The following NCKAP5 variants were observed in gnomAD, a reference collection of about 807,000 sequenced individuals.
The protein encoded by NCKAP5 is nck-associated protein 5.
In NCKAP5, 92 loss-of-function variants were observed where a neutral mutation model predicts 167.0. That is an observed-to-expected ratio of 0.55 (90% CI 0.47 to 0.66). The LOEUF is 0.66. Among genes scored for constraint, NCKAP5 ranks in the 30% least tolerant of loss-of-function variants. The pLI is 0.00. For synonymous variants in NCKAP5, 891 were observed against 877.4 expected, an observed-to-expected ratio of 1.02 and a Z score of -0.27; for missense variants, 2,378 against 2,315.0, an observed-to-expected ratio of 1.03 and a Z score of -0.56.
At chr2:133,580,052 C>T in the NCKAP5 span, among the ~76,000 whole-genome samples, 2 of 152,150 alleles carry the variant, frequency 1.3e-5, no homozygotes, top group Admixed American at 6.5e-5. Flanking sequence ...ACCAGTGGCC[C>T]GTCATTAGCA....
At chr2:132,675,486 A>C (rs1165077034) in intron 19 of NCKAP5, among the ~76,000 whole-genome samples, 1 of 152,178 alleles carries the variant, frequency 6.6e-6, no homozygotes, top group Non-Finnish European at 1.5e-5. Flanking sequence ...AACGTCAACA[A>C]CACCAAGGAG....
intron 3 of NCKAP5, among the ~76,000 whole-genome samples, chr2:133,452,126 C>T (rs1256391279): frequency 6.6e-6 from 1 of 152,186 alleles, no homozygotes; most frequent in Non-Finnish European, 1.5e-5. Context: ...TGTTAGAAAA[C>T]AATCAACTGG....
At chr2:133,644,220 T>C in the NCKAP5 span, among the ~76,000 whole-genome samples, 1 of 152,176 alleles carries the variant, frequency 6.6e-6, no homozygotes, top group Non-Finnish European at 1.5e-5. Context: ...CCTCATCCAA[T>C]CTATTGGAGG....
At chr2:133,394,907 C>A (rs1199358376) in intron 3 of NCKAP5, among the ~76,000 whole-genome samples, 2 of 152,288 alleles carry the variant, frequency 1.3e-5, no homozygotes, top group Non-Finnish European at 2.9e-5. Context: ...ATTTAAAAAG[C>A]AGATTTGTTC....
In NCKAP5 at chr2:133,213,614, G is replaced by A. The variant is rs563926558; in HGVS notation, c.207+102C>T. 64 of 1,118,414 alleles carry A rather than the reference G, an allele frequency of 5.7e-5. 1 individual carries two copies. The highest frequency in any genetic ancestry group is 5.5e-4 in the South Asian group (41 of 74,376). 69.3% of individuals were successfully genotyped at this position (1,118,414 alleles called of 1,614,324 possible). A position where few individuals can be genotyped will look rare whatever the true frequency, so the allele number is the denominator to read the frequency against. On this transcript the variant is annotated intron_variant, in intron 5 of 19. Transcript: ENST00000409261. ...TTGCCAAAATATCATTAAGTTTGCT[G>A]CAAGCAAATATTTTCCTTAGATATC...
chr2:133,032,658 G>A (rs2078917307), intron 6 of NCKAP5, among the ~76,000 whole-genome samples: 1 of 152,182 alleles, frequency 6.6e-6, no homozygotes, highest in Non-Finnish European at 1.5e-5. Flanking sequence ...GGTCTCGGGC[G>A]AGACCCAGTG....
chr2:133,246,002 G>A (rs1340608870), intron 4 of NCKAP5, among the ~76,000 whole-genome samples: 2 of 152,194 alleles, frequency 1.3e-5, no homozygotes, highest in South Asian at 2.1e-4. Flanking sequence ...TGTGCTGTGG[G>A]GATTGAGAAA....
At chr2:133,670,718 A>T in the NCKAP5 span, among the ~76,000 whole-genome samples, 1 of 152,156 alleles carries the variant, frequency 6.6e-6, no homozygotes, top group Non-Finnish European at 1.5e-5. Context: ...TTTAAGCCAA[A>T]TATTTCACTA....
intron 3 of NCKAP5, among the ~76,000 whole-genome samples, chr2:133,473,421 T>C (rs1290404125): frequency 6.6e-6 from 1 of 152,224 alleles, no homozygotes; most frequent in Non-Finnish European, 1.5e-5. Context: ...CTAGAGGACT[T>C]GTGAAATCAG....
intron 6 of NCKAP5, among the ~76,000 whole-genome samples, chr2:133,020,519 A>T (rs1385958234): frequency 6.6e-6 from 1 of 152,192 alleles, no homozygotes. Context: ...GCCAGAAGAA[A>T]CTTTGGGGTT....
chr2:132,896,884 T>A (rs1288791322), intron 8 of NCKAP5, among the ~76,000 whole-genome samples: 1 of 152,192 alleles, frequency 6.6e-6, no homozygotes, highest in Non-Finnish European at 1.5e-5. Context: ...ACACACGGTT[T>A]CAAGCTCTTG....
At chr2:132,868,877 T>C (rs1690572130) in intron 10 of NCKAP5, 59 bp downstream of exon 10, 2 of 1,250,784 alleles carry the variant, frequency 1.6e-6, no homozygotes, top group African/African-American at 1.5e-5. Flanking sequence ...CTTAACAACA[T>C]GAGCTCCAAT....
intron 6 of NCKAP5, among the ~76,000 whole-genome samples, chr2:133,062,084 G>C (rs1477695009): frequency 6.6e-6 from 1 of 152,164 alleles, no homozygotes; most frequent in Non-Finnish European, 1.5e-5. Flanking sequence ...AATAATTCTA[G>C]AGATGGAACA....
chr2:133,094,419 C>A (rs562567978), intron 6 of NCKAP5, among the ~76,000 whole-genome samples: 1 of 152,262 alleles, frequency 6.6e-6, no homozygotes, highest in East Asian at 1.9e-4. Context: ...TAAAAGACTC[C>A]TTTTAAGGCT....
chr2:133,635,607 C>G, the NCKAP5 span, among the ~76,000 whole-genome samples: 2 of 152,140 alleles, frequency 1.3e-5, 1 homozygote, highest in South Asian at 4.1e-4. Context: ...TTCATAAAAC[C>G]TGGTAGGAAA....
chr2:132,812,238 C>T (rs149539348), intron 11 of NCKAP5, among the ~76,000 whole-genome samples: 21 of 152,320 alleles, frequency 1.4e-4, no homozygotes, highest in South Asian at 8.3e-4. Context: ...TGCAAGCCTC[C>T]GCATGCTGCC....
At chr2:132,877,388 C>T (rs960579716) in intron 9 of NCKAP5, among the ~76,000 whole-genome samples, 14 of 152,190 alleles carry the variant, frequency 9.2e-5, no homozygotes, top group Non-Finnish European at 1.9e-4. Context: ...GAGAGTTCTT[C>T]AACCACATAT....
chr2:132,875,660 A>G (rs1271529545), intron 9 of NCKAP5, among the ~76,000 whole-genome samples: 1 of 152,210 alleles, frequency 6.6e-6, no homozygotes, highest in Admixed American at 6.5e-5. Flanking sequence ...ACTGTGGCCA[A>G]GGCAATACTG....
At chr2:132,682,119 AT>A (rs200949437) in intron 19 of NCKAP5, among the ~76,000 whole-genome samples, 24 of 151,878 alleles carry the variant, frequency 1.6e-4, no homozygotes, top group Admixed American at 9.2e-4. Flanking sequence ...AAAAAGAAGA[AT>A]TTTTTTTTGG....
Sources: allele counts gnomAD v4.1 joint callset (sites outside exome capture counted in the v4.1 genomes callset), GRCh38; gene constraint gnomAD v4.1.1; transcripts MANE v1.5; gene names NCBI Gene and HGNC (gene_info 2026-07-23, HGNC 2026-07-21).